The following SLC14A2 variants were observed in gnomAD, a reference collection of about 807,000 sequenced individuals.
SLC14A2 encodes the protein urea transporter 2.
Under a neutral mutation model 104.6 loss-of-function variants are expected in SLC14A2, and 91 were observed. That is an observed-to-expected ratio of 0.87 (90% CI 0.73 to 1.04). The LOEUF (loss-of-function observed/expected upper bound fraction) is 1.04, where lower values mean the gene tolerates loss of function less well. SLC14A2 is among the 50% of genes least tolerant of loss of function. The pLI, the probability that SLC14A2 is intolerant of heterozygous loss-of-function variation, is 0.00. For missense variants in SLC14A2, 1,189 were observed against 1,156.0 expected (o/e 1.03, Z -0.41); for synonymous variants, 476 against 466.4 (o/e 1.02, Z -0.27).
At chr18:45,206,765 G>T in the SLC14A2 span, among the ~76,000 whole-genome samples, 1 of 152,114 alleles carries the variant, frequency 6.6e-6, no homozygotes, top group Admixed American at 6.6e-5. Context: ...CTCTGGACAG[G>T]GGGTTACATA....
intron 15 of SLC14A2, among the ~76,000 whole-genome samples, 196 bp downstream of exon 15, chr18:45,668,673 G>GCGAC (rs535596769): frequency 1.0e-3 from 154 of 152,342 alleles, no homozygotes; most frequent in African/African-American, 3.5e-3. Flanking sequence ...TATCCCATTA[G>GCGAC]CGACCACCCT....
intron 1 of SLC14A2, among the ~76,000 whole-genome samples, chr18:45,623,088 T>C (rs1042500898): frequency 6.6e-6 from 1 of 151,974 alleles, no homozygotes; most frequent in Admixed American, 6.6e-5. Context: ...GAAGTTAAGT[T>C]GGTCAAGGAG....
intron 1 of SLC14A2, among the ~76,000 whole-genome samples, chr18:45,442,038 C>T (rs1026021994): frequency 6.6e-6 from 1 of 152,154 alleles, no homozygotes; most frequent in Non-Finnish European, 1.5e-5. Context: ...TGTATCATAT[C>T]TGGCTTGTTG....
chr18:45,380,389 G>C (rs2085821854), intron 1 of SLC14A2, among the ~76,000 whole-genome samples: 1 of 152,186 alleles, frequency 6.6e-6, no homozygotes, highest in Non-Finnish European at 1.5e-5. Context: ...CTGAGTAAGA[G>C]AATGTTAGAA....
intron 1 of SLC14A2, among the ~76,000 whole-genome samples, chr18:45,441,035 A>G (rs961187470): frequency 5.3e-5 from 8 of 151,950 alleles, no homozygotes; most frequent in Non-Finnish European, 7.4e-5. Context: ...TTTTTGCCCA[A>G]TCTCTGGAGC....
rs144827620 is a variant in SLC14A2, at chr18:45,232,923, G to A, written c.-125+19732G>A. Among the ~76,000 whole-genome samples the A allele has an allele frequency of 7.0e-3, 1,071 of 152,310 alleles. 5 individuals carry two copies. Among genetic ancestry groups the A allele is most frequent in the Non-Finnish European group, 0.01 (706 of 68,034 alleles). ...GGCTACCGGTGCTGTGTTGGTTCAG[G>A]TGGGCCATGAGACGAGAAGGTATAG... On this transcript the variant is annotated intron_variant, in intron 1 of 20. Transcript: ENST00000586448.
intron 1 of SLC14A2, among the ~76,000 whole-genome samples, chr18:45,343,070 A>G (rs1267195533): frequency 1.3e-5 from 2 of 151,968 alleles, no homozygotes; most frequent in East Asian, 3.9e-4. Context: ...TGGATAGAGG[A>G]ACCTAAATCT....
At chr18:45,237,772 G>A (rs1187508037) in intron 1 of SLC14A2, among the ~76,000 whole-genome samples, 1 of 152,232 alleles carries the variant, frequency 6.6e-6, no homozygotes, top group Non-Finnish European at 1.5e-5. Context: ...GAGCCTTCCT[G>A]AGAGGCTGAC....
At chr18:45,663,976 C>T (rs1313247981) in intron 11 of SLC14A2, 69 bp downstream of exon 11, 13 of 1,474,786 alleles carry the variant, frequency 8.8e-6, no homozygotes, top group Non-Finnish European at 1.1e-5. Flanking sequence ...GGGACAATGG[C>T]AATACCTACT....
At chr18:45,628,272 C>T (rs1789989918) in intron 4 of SLC14A2, among the ~76,000 whole-genome samples, 1 of 151,830 alleles carries the variant, frequency 6.6e-6, no homozygotes, top group Admixed American at 6.6e-5. Flanking sequence ...GGTGAAACCC[C>T]ATCTCTACTA....
chr18:45,474,811 A>C (rs1049417369), intron 1 of SLC14A2, among the ~76,000 whole-genome samples: 4 of 151,784 alleles, frequency 2.6e-5, no homozygotes, highest in African/African-American at 9.7e-5. Flanking sequence ...TATTTTGTTA[A>C]TCTTTTCAAA....
chr18:45,300,965 AC>A (rs2084962862), intron 1 of SLC14A2, among the ~76,000 whole-genome samples: 1 of 152,186 alleles, frequency 6.6e-6, no homozygotes, highest in Admixed American at 6.5e-5. Context: ...ACACTGCCTG[AC>A]TGACAGGAAG....
At chr18:45,609,638 T>TG (rs1468380199) in intron 2 of SLC14A2, among the ~76,000 whole-genome samples, 2 of 152,212 alleles carry the variant, frequency 1.3e-5, no homozygotes, top group African/African-American at 4.8e-5. Context: ...CCATCAGGGT[T>TG]GGGCAAATCA....
chr18:45,246,912 G>T (rs1392865333), intron 1 of SLC14A2, among the ~76,000 whole-genome samples: 1 of 152,086 alleles, frequency 6.6e-6, no homozygotes, highest in Non-Finnish European at 1.5e-5. Context: ...CAGAGGAGGG[G>T]AATAAGACTT....
chr18:45,653,858 CT>C (rs1555718801), intron 10 of SLC14A2, among the ~76,000 whole-genome samples: 1 of 152,202 alleles, frequency 6.6e-6, no homozygotes, highest in Non-Finnish European at 1.5e-5. Flanking sequence ...TGCCCTGCCC[CT>C]ATGGGGAATT....
chr18:45,586,558 G>A (rs1049084428), intron 2 of SLC14A2, among the ~76,000 whole-genome samples: 1 of 152,210 alleles, frequency 6.6e-6, no homozygotes, highest in Admixed American at 6.5e-5. Flanking sequence ...GGGAACAAGA[G>A]TGGAGGCAGA....
chr18:45,623,837 C>T (rs1163864972), intron 1 of SLC14A2, among the ~76,000 whole-genome samples: 3 of 152,120 alleles, frequency 2.0e-5, no homozygotes, highest in Non-Finnish European at 4.4e-5. Context: ...AGGTCCAAAA[C>T]CACCTCTCAA....
At chr18:45,500,612 TC>T (rs1389914944) in intron 2 of SLC14A2, among the ~76,000 whole-genome samples, 2 of 150,466 alleles carry the variant, frequency 1.3e-5, no homozygotes, top group African/African-American at 4.9e-5. Flanking sequence ...CCTGCCCTTA[TC>T]CTGACGCATG....
At chr18:45,378,704 A>G (rs1379604464) in intron 1 of SLC14A2, among the ~76,000 whole-genome samples, 2 of 152,232 alleles carry the variant, frequency 1.3e-5, no homozygotes, top group Non-Finnish European at 2.9e-5. Flanking sequence ...TTTATTTACC[A>G]GGGTATTCAC....
Sources: allele counts gnomAD v4.1 joint callset (sites outside exome capture counted in the v4.1 genomes callset), GRCh38; gene constraint gnomAD v4.1.1; transcripts MANE v1.5; gene names NCBI Gene and HGNC (gene_info 2026-07-23, HGNC 2026-07-21).